Variants in CNTNAP2 observed in about 807,000 individuals in gnomAD.
CNTNAP2 encodes contactin-associated protein-like 2.
A neutral mutation model predicts 155.2 loss-of-function variants in CNTNAP2; 98 were observed. The observed-to-expected ratio is 0.63, with a 90% CI of 0.54 to 0.75. The LOEUF is 0.75. Among genes scored for constraint, CNTNAP2 ranks in the 30% least tolerant of loss-of-function variants. CNTNAP2 has a pLI of 0.00. For missense variants in CNTNAP2, 1,727 were observed against 1,688.1 expected (o/e 1.02, Z -0.40); for synonymous variants, 651 against 631.2 (o/e 1.03, Z -0.47).
At chr7:146,560,755 A>G (rs1439089105) in intron 1 of CNTNAP2, among the ~76,000 whole-genome samples, 6 of 152,148 alleles carry the variant, frequency 3.9e-5, no homozygotes, top group Admixed American at 3.9e-4. Context: ...TCTAACCAAG[A>G]AAATGTCAGC....
chr7:147,671,686 A>T (rs1394657588), intron 13 of CNTNAP2: 2 of 152,142 alleles, frequency 1.3e-5, no homozygotes, highest in Non-Finnish European at 2.9e-5. Flanking sequence ...AAGGCCAGAG[A>T]TGTCTTGTGG....
intron 15 of CNTNAP2, among the ~76,000 whole-genome samples, chr7:148,031,014 T>C (rs926386753): frequency 2.0e-5 from 3 of 152,154 alleles, no homozygotes; most frequent in African/African-American, 7.2e-5. Context: ...GAGATTGAAC[T>C]AGACTCCATT....
chr7:147,251,228 T>C (rs1804190045), intron 8 of CNTNAP2, among the ~76,000 whole-genome samples: 1 of 152,100 alleles, frequency 6.6e-6, no homozygotes. Flanking sequence ...TTCTGTCCCT[T>C]GTGATAAGTA....
At chr7:147,302,756 C>T (rs1461458781) in intron 9 of CNTNAP2, among the ~76,000 whole-genome samples, 1 of 152,248 alleles carries the variant, frequency 6.6e-6, no homozygotes, top group Non-Finnish European at 1.5e-5. Flanking sequence ...TCGTCAGTCA[C>T]TGAAAAGTTT....
intron 1 of CNTNAP2, among the ~76,000 whole-genome samples, chr7:146,641,135 G>C (rs1297287148): frequency 6.6e-6 from 1 of 152,114 alleles, no homozygotes; most frequent in Non-Finnish European, 1.5e-5. Flanking sequence ...GGCCATCCTG[G>C]CTAACACTGT....
At chr7:147,661,436 C>A (rs184439489) in intron 13 of CNTNAP2, among the ~76,000 whole-genome samples, 37 of 152,218 alleles carry the variant, frequency 2.4e-4, no homozygotes, top group Admixed American at 2.2e-3. Context: ...ATGGGTAGTA[C>A]AATTTAGTAG....
At chr7:147,025,841 T>A (rs1317446888) in intron 3 of CNTNAP2, among the ~76,000 whole-genome samples, 2 of 139,038 alleles carry the variant, frequency 1.4e-5, no homozygotes, top group East Asian at 4.4e-4. Flanking sequence ...CATACAGGTG[T>A]GTTGCTGTTG....
At chr7:148,295,062 C>G (rs1797256910) in intron 21 of CNTNAP2, among the ~76,000 whole-genome samples, 1 of 152,022 alleles carries the variant, frequency 6.6e-6, no homozygotes. Context: ...ATCCTGACAC[C>G]CAGCACTTAA....
chr7:147,593,518 T>C (rs1291763240), intron 12 of CNTNAP2, among the ~76,000 whole-genome samples: 1 of 152,090 alleles, frequency 6.6e-6, no homozygotes, highest in Non-Finnish European at 1.5e-5. Context: ...ACTTACCATC[T>C]GTTTAACCTT....
At chr7:148,370,425 G>C (rs772180998) in intron 21 of CNTNAP2, among the ~76,000 whole-genome samples, 25 of 152,194 alleles carry the variant, frequency 1.6e-4, no homozygotes, top group Non-Finnish European at 2.9e-4. Context: ...TTCTAGCAGA[G>C]TGACCTCAGT....
At chr7:146,350,350 C>A (rs1270438975) in intron 1 of CNTNAP2, among the ~76,000 whole-genome samples, 1 of 151,872 alleles carries the variant, frequency 6.6e-6, no homozygotes, top group African/African-American at 2.4e-5. Context: ...CAAACAACCC[C>A]ATCAAAAAGT....
intron 1 of CNTNAP2, among the ~76,000 whole-genome samples, chr7:146,452,299 T>A (rs574114521): frequency 1.3e-5 from 2 of 152,172 alleles, no homozygotes; most frequent in Admixed American, 6.6e-5. Context: ...TCATCCTCCA[T>A]TAGTTGGGTT....
chr7:146,706,988 C>T (rs1800976901), intron 1 of CNTNAP2, among the ~76,000 whole-genome samples: 1 of 151,390 alleles, frequency 6.6e-6, no homozygotes. Context: ...AAAAATTCTA[C>T]ATTAGTGCTT....
intron 5 of CNTNAP2, among the ~76,000 whole-genome samples, chr7:147,110,733 C>G (rs1267287032): frequency 6.6e-6 from 1 of 152,180 alleles, no homozygotes; most frequent in Non-Finnish European, 1.5e-5. Context: ...GCGTAGTATT[C>G]CATGGTGTAT....
intron 1 of CNTNAP2, among the ~76,000 whole-genome samples, chr7:146,455,178 T>C (rs1796538793): frequency 6.6e-6 from 1 of 152,204 alleles, no homozygotes; most frequent in African/African-American, 2.4e-5. Context: ...CATGCAACAT[T>C]GCCCTAGATG....
At chr7:148,411,994 A>C (rs541141332) in intron 23 of CNTNAP2, among the ~76,000 whole-genome samples, 1 of 151,994 alleles carries the variant, frequency 6.6e-6, no homozygotes, top group South Asian at 2.1e-4. Context: ...GCCAGGCTGG[A>C]GTACAGTGGC....
At chr7:146,772,269 A>C (rs1336036835) in intron 1 of CNTNAP2, among the ~76,000 whole-genome samples, 1 of 152,084 alleles carries the variant, frequency 6.6e-6, no homozygotes, top group Admixed American at 6.6e-5. Flanking sequence ...CCCTGTCCTC[A>C]GTGGCAAAGG....
At chr7:146,590,665 C>A (rs1380928250) in intron 1 of CNTNAP2, among the ~76,000 whole-genome samples, 1 of 152,116 alleles carries the variant, frequency 6.6e-6, no homozygotes, top group African/African-American at 2.4e-5. Context: ...AACACAGATG[C>A]ACAACACACC....
chr7:146,396,290 C>A (rs1409146967), intron 1 of CNTNAP2, among the ~76,000 whole-genome samples: 1 of 152,066 alleles, frequency 6.6e-6, no homozygotes, highest in Non-Finnish European at 1.5e-5. Context: ...ACTTTCCTAA[C>A]TTGCATACTT....
Sources: gnomAD v4.1 joint callset for allele counts (sites outside exome capture counted in the v4.1 genomes callset) on GRCh38, gnomAD v4.1.1 for gene constraint, MANE v1.5 for transcripts, NCBI Gene and HGNC (gene_info 2026-07-23, HGNC 2026-07-21) for gene names.